The following NTM variants were observed in gnomAD, a reference collection of about 807,000 sequenced individuals.
NTM encodes IgLON family member 2.
Under a neutral mutation model 42.1 loss-of-function variants are expected in NTM, and 13 were observed. The observed-to-expected ratio is 0.31, with a 90% CI of 0.20 to 0.49. NTM has a LOEUF of 0.49. Ranked by LOEUF, NTM falls within the 20% of genes least tolerant of loss-of-function variation. The pLI, the probability that NTM is intolerant of heterozygous loss-of-function variation, is 0.99. For missense variants in NTM, 373 were observed against 452.8 expected (o/e 0.82, Z 1.60); for synonymous variants, 187 against 179.2 (o/e 1.04, Z -0.35).
chr11:132,039,547 T>G (rs943116818), intron 2 of NTM, among the ~76,000 whole-genome samples: 2 of 151,788 alleles, frequency 1.3e-5, no homozygotes, highest in Non-Finnish European at 2.9e-5. Flanking sequence ...GCTTTCACTC[T>G]CAGAAGCCAA....
intron 2 of NTM, among the ~76,000 whole-genome samples, chr11:132,086,527 G>A (rs1051596561): frequency 2.0e-5 from 3 of 152,110 alleles, no homozygotes; most frequent in African/African-American, 4.8e-5. Context: ...CTTATTACCC[G>A]ATGTTAGCCA....
intron 3 of NTM, among the ~76,000 whole-genome samples, chr11:132,162,675 GTGTGTT>G (rs1469735880): frequency 6.6e-6 from 1 of 151,018 alleles, no homozygotes; most frequent in African/African-American, 2.4e-5. Context: ...GTGAGTGTGT[GTGTGTT>G]TGTGTAGGGA....
intron 2 of NTM, among the ~76,000 whole-genome samples, chr11:132,135,618 G>T (rs1338777221): frequency 6.6e-6 from 1 of 152,202 alleles, no homozygotes; most frequent in Non-Finnish European, 1.5e-5. Flanking sequence ...ACAGGCTACT[G>T]CTAGGGGCCA....
At chr11:131,990,156 G>T (rs554162586) in intron 2 of NTM, among the ~76,000 whole-genome samples, 2 of 152,126 alleles carry the variant, frequency 1.3e-5, no homozygotes, top group Non-Finnish European at 2.9e-5. Context: ...CCTAAGGCTG[G>T]AATTATTTTT....
chr11:131,931,913 C>T (rs2058676325), intron 2 of NTM, among the ~76,000 whole-genome samples: 1 of 152,212 alleles, frequency 6.6e-6, no homozygotes, highest in African/African-American at 2.4e-5. Context: ...ACAGCTGACG[C>T]ATTTCTGGCG....
At chr11:132,313,678 T>C (rs144248124) in intron 6 of NTM, among the ~76,000 whole-genome samples, 69 of 152,290 alleles carry the variant, frequency 4.5e-4, no homozygotes, top group African/African-American at 1.6e-3. Context: ...AAGGAGGACA[T>C]GTGCCTACTG....
intron 1 of NTM, among the ~76,000 whole-genome samples, chr11:131,493,292 C>T (rs1186506911): frequency 6.6e-6 from 1 of 151,968 alleles, no homozygotes; most frequent in Admixed American, 6.6e-5. Context: ...ACTTAAAAGA[C>T]AATTATTATA....
intron 1 of NTM, among the ~76,000 whole-genome samples, chr11:131,635,950 C>T (rs1167899283): frequency 6.6e-6 from 1 of 152,074 alleles, no homozygotes; most frequent in East Asian, 1.9e-4. Context: ...TATTTAGTAC[C>T]GTCACATGCT....
intron 2 of NTM, among the ~76,000 whole-genome samples, chr11:132,082,977 C>T (rs1310848854): frequency 6.6e-6 from 1 of 152,166 alleles, no homozygotes; most frequent in Non-Finnish European, 1.5e-5. Context: ...GATTTGGGTG[C>T]ATGGCCCTTG....
chr11:132,291,529 G>C (rs1189262443), intron 4 of NTM, among the ~76,000 whole-genome samples: 1 of 152,210 alleles, frequency 6.6e-6, no homozygotes, highest in Non-Finnish European at 1.5e-5. Flanking sequence ...TCATGGAAGA[G>C]AAATAGGGTG....
At chr11:132,293,058 C>T (rs751057324) in intron 4 of NTM, among the ~76,000 whole-genome samples, 17 of 151,980 alleles carry the variant, frequency 1.1e-4, no homozygotes, top group African/African-American at 3.1e-4. Context: ...CGGTTTTTGA[C>T]GGATTGTACT....
At chr11:132,069,321 T>TAGTTAACACATCACACAGCCA in intron 2 of NTM, among the ~76,000 whole-genome samples, 1 of 149,424 alleles carries the variant, frequency 6.7e-6, no homozygotes, top group African/African-American at 2.5e-5. Context: ...CATCACAGGT[T>TAGTTAACACATCACACAGCCA]AGTTAACACG....
chr11:131,734,557 G>T (rs917597232), intron 1 of NTM, among the ~76,000 whole-genome samples: 1 of 152,056 alleles, frequency 6.6e-6, no homozygotes, highest in Admixed American at 6.5e-5. Context: ...CTCATCACTG[G>T]CAGGACGCAG....
At chr11:132,175,928 AT>A (rs2137937622) in intron 3 of NTM, among the ~76,000 whole-genome samples, 1 of 152,084 alleles carries the variant, frequency 6.6e-6, no homozygotes, top group South Asian at 2.1e-4. Context: ...TTTTTTTGTA[AT>A]TCTCCATCTT....
chr11:132,040,882 T>C (rs1184631290), intron 2 of NTM, among the ~76,000 whole-genome samples: 2 of 152,208 alleles, frequency 1.3e-5, no homozygotes, highest in African/African-American at 2.4e-5. Context: ...TATGTGACCA[T>C]GAACAAGTTG....
chr11:131,820,888 A>G (rs2093158110), intron 1 of NTM, among the ~76,000 whole-genome samples: 2 of 152,120 alleles, frequency 1.3e-5, no homozygotes, highest in African/African-American at 4.8e-5. Context: ...TTGCTATTAC[A>G]AACGCGGCCA....
chr11:131,839,929 A>G (rs1286083499), intron 1 of NTM, among the ~76,000 whole-genome samples: 1 of 152,184 alleles, frequency 6.6e-6, no homozygotes, highest in Non-Finnish European at 1.5e-5. Context: ...CAATTTGAGT[A>G]TTAGAGACAG....
rs12275609 is a variant in NTM at position 131,789,917 on chromosome 11, C to A, written c.83-121647C>A. On this transcript the variant is annotated intron_variant, in intron 1 of 8. Coordinates refer to ENST00000683400, the MANE Select transcript of NTM (RefSeq NM_001352005.2). ...CTTGCAGTGAGCCGAGATCGCGCCA[C>A]TGCACTCCAGCCTGGGCGACAGAGC... Among the ~76,000 whole-genome samples the A allele has an allele frequency of 6.1e-5, 8 of 130,868 alleles. No homozygotes were observed. In the South Asian group the frequency reaches 1.9e-3, roughly 31 times the overall value. The allele number at this position is 130,868 out of a possible 152,430, so 85.9% of individuals were successfully genotyped here.
chr11:131,793,622 C>T (rs1188424833), intron 1 of NTM, among the ~76,000 whole-genome samples: 2 of 152,200 alleles, frequency 1.3e-5, no homozygotes, highest in African/African-American at 2.4e-5. Context: ...TACCACTGCT[C>T]TGTAATAGTT....
Sources: gnomAD v4.1 joint callset for allele counts (sites outside exome capture counted in the v4.1 genomes callset) on GRCh38, gnomAD v4.1.1 for gene constraint, MANE v1.5 for transcripts, NCBI Gene and HGNC (gene_info 2026-07-23, HGNC 2026-07-21) for gene names.